The following GPC5 variants were observed in gnomAD, a reference collection of about 807,000 sequenced individuals.
GPC5 encodes glypican-5.
Under a neutral mutation model 53.9 loss-of-function variants are expected in GPC5, and 47 were observed. The observed-to-expected ratio is 0.87, with a 90% CI of 0.69 to 1.11. The LOEUF is 1.11. GPC5 is among the 50% of genes most tolerant of loss of function. The pLI is 0.00. For missense variants in GPC5, 748 were observed against 713.1 expected, an observed-to-expected ratio of 1.05 and a Z score of -0.56; for synonymous variants, 286 against 263.3, an observed-to-expected ratio of 1.09 and a Z score of -0.84.
intron 7 of GPC5, among the ~76,000 whole-genome samples, chr13:92,151,461 T>C (rs2041906926): frequency 6.6e-6 from 1 of 152,150 alleles, no homozygotes; most frequent in Admixed American, 6.5e-5. Context: ...ATGAAATTTT[T>C]TAAAACACCG....
At chr13:92,281,064 C>T (rs2042911547) in intron 7 of GPC5, among the ~76,000 whole-genome samples, 1 of 152,238 alleles carries the variant, frequency 6.6e-6, no homozygotes, top group South Asian at 2.1e-4. Flanking sequence ...CTGCGCTTTT[C>T]CAATGGTCTT....
intron 7 of GPC5, among the ~76,000 whole-genome samples, chr13:92,519,367 CAT>C (rs1196882547): frequency 6.6e-6 from 1 of 152,180 alleles, no homozygotes; most frequent in Non-Finnish European, 1.5e-5. Flanking sequence ...AAATTGACCA[CAT>C]AGTTGGAAGT....
chr13:92,273,608 G>GAA (rs2042855023), intron 7 of GPC5, among the ~76,000 whole-genome samples: 1 of 151,950 alleles, frequency 6.6e-6, no homozygotes, highest in Admixed American at 6.6e-5. Flanking sequence ...TCCCCTCCCT[G>GAA]AACAGGCTTT....
rs1264050797 is a variant in GPC5, at chr13:91,571,788, C to CGTGT, written c.326-121394_326-121391dup. 9.8e-4 allele frequency among the ~76,000 whole-genome samples: 123 copies of CGTGT among 125,772 alleles called. 4 individuals are homozygous for CGTGT. The highest frequency in any genetic ancestry group is 3.8e-3 in the African/African-American group (108 of 28,404). The allele number at this position is 125,772 out of a possible 152,430, so 82.5% of individuals were successfully genotyped here. ...GTATGTGTATATACACACACATATA[C>CGTGT]GTGTGTGTATATATACACACACATA... On this transcript the variant is annotated intron_variant, in intron 2 of 7. Transcript: ENST00000377067.
chr13:92,759,090 A>G (rs72641088), intron 7 of GPC5, among the ~76,000 whole-genome samples: 30,432 of 141,054 alleles, frequency 0.22, 3,248 homozygotes, highest in Middle Eastern at 0.3. Flanking sequence ...ACTCTATCCC[A>G]CTGGTCCACT....
intron 2 of GPC5, among the ~76,000 whole-genome samples, chr13:91,496,565 G>C (rs1227770111): frequency 6.6e-6 from 1 of 152,094 alleles, no homozygotes; most frequent in African/African-American, 2.4e-5. Flanking sequence ...ATTTGTAGGA[G>C]CAAAAAATTA....
chr13:92,639,860 T>C (rs1297649137), intron 7 of GPC5, among the ~76,000 whole-genome samples: 3 of 152,126 alleles, frequency 2.0e-5, no homozygotes, highest in African/African-American at 4.8e-5. Context: ...GAAAACATCT[T>C]CATAGACATG....
chr13:92,818,488 A>C (rs1014995038), intron 7 of GPC5, among the ~76,000 whole-genome samples: 2 of 151,998 alleles, frequency 1.3e-5, no homozygotes, highest in African/African-American at 4.8e-5. Context: ...GTTATCCCTT[A>C]TTACCGAGGA....
intron 7 of GPC5, among the ~76,000 whole-genome samples, chr13:92,538,313 T>G (rs2138997828): frequency 6.6e-6 from 1 of 151,754 alleles, no homozygotes; most frequent in African/African-American, 2.4e-5. Flanking sequence ...TTCCTTCCTT[T>G]TATCTATCCC....
At chr13:91,721,860 C>T (rs1473638281) in intron 3 of GPC5, among the ~76,000 whole-genome samples, 2 of 152,216 alleles carry the variant, frequency 1.3e-5, no homozygotes, top group Non-Finnish European at 2.9e-5. Context: ...ACCCCACCCC[C>T]ACTCTACCCC....
intron 6 of GPC5, among the ~76,000 whole-genome samples, chr13:92,016,752 G>C (rs907911071): frequency 6.7e-6 from 1 of 148,416 alleles, no homozygotes; most frequent in Non-Finnish European, 1.5e-5. Flanking sequence ...TTTTGAGCCA[G>C]AGTTTTGCTC....
At chr13:91,796,852 T>A (rs1854978) in intron 5 of GPC5, among the ~76,000 whole-genome samples, 54,648 of 152,024 alleles carry the variant, frequency 0.36, 11,141 homozygotes, top group African/African-American at 0.56. Context: ...TTTGACTTGA[T>A]ATTTTCTCTT....
At chr13:92,056,275 C>T (rs1047288856) in intron 6 of GPC5, among the ~76,000 whole-genome samples, 1 of 152,074 alleles carries the variant, frequency 6.6e-6, no homozygotes, top group African/African-American at 2.4e-5. Flanking sequence ...TCATCTCAAC[C>T]CCTTCTCTTT....
intron 7 of GPC5, among the ~76,000 whole-genome samples, chr13:92,243,164 C>A (rs969448220): frequency 2.0e-5 from 3 of 152,138 alleles, no homozygotes; most frequent in Non-Finnish European, 4.4e-5. Flanking sequence ...ACAAATAATT[C>A]ATTTTAATTT....
chr13:92,557,811 CT>C (rs1454780442), intron 7 of GPC5, among the ~76,000 whole-genome samples: 1 of 152,028 alleles, frequency 6.6e-6, no homozygotes, highest in Non-Finnish European at 1.5e-5. Flanking sequence ...AGCACTTAGG[CT>C]TACCTGGATT....
At chr13:92,595,077 CT>C (rs1883826309) in intron 7 of GPC5, among the ~76,000 whole-genome samples, 1 of 152,032 alleles carries the variant, frequency 6.6e-6, no homozygotes, top group South Asian at 2.1e-4. Context: ...AAATCATTAC[CT>C]AGATTCAAGA....
chr13:92,265,588 C>T (rs1022156449), intron 7 of GPC5, among the ~76,000 whole-genome samples: 1 of 152,124 alleles, frequency 6.6e-6, no homozygotes, highest in African/African-American at 2.4e-5. Flanking sequence ...TTCAGAATTT[C>T]CCTACAGCTG....
chr13:92,528,781 G>A (rs1451463466), intron 7 of GPC5, among the ~76,000 whole-genome samples: 1 of 151,836 alleles, frequency 6.6e-6, no homozygotes, highest in Non-Finnish European at 1.5e-5. Context: ...TTTTAGTAGT[G>A]CTTTAAATAT....
chr13:91,989,474 TC>T (rs1251342305), intron 6 of GPC5, among the ~76,000 whole-genome samples: 14 of 152,166 alleles, frequency 9.2e-5, no homozygotes, highest in African/African-American at 3.4e-4. Flanking sequence ...AATGAATGGC[TC>T]TTTAAAACTG....
Sources: allele counts gnomAD v4.1 joint callset (sites outside exome capture counted in the v4.1 genomes callset), GRCh38; gene constraint gnomAD v4.1.1; transcripts MANE v1.5; gene names NCBI Gene and HGNC (gene_info 2026-07-23, HGNC 2026-07-21).